Variants in DYNLRB2 observed in about 807,000 individuals in gnomAD.
DYNLRB2 encodes dynein light chain roadblock-type 2.
DYNLRB2 carries 14 observed loss-of-function variants against 12.6 expected under a neutral mutation model. That is an observed-to-expected ratio of 1.11 (90% CI 0.73 to 1.73). The LOEUF (loss-of-function observed/expected upper bound fraction) is 1.73, where lower values mean the gene tolerates loss of function less well. Among genes scored for constraint, DYNLRB2 ranks in the 40% most tolerant of loss-of-function variants. DYNLRB2 has a pLI of 0.00. For missense variants in DYNLRB2, 142 were observed against 117.7 expected, an observed-to-expected ratio of 1.21 and a Z score of -0.95; for synonymous variants, 53 against 37.0, an observed-to-expected ratio of 1.43 and a Z score of -1.57.
chr16:80,540,879 C>G (rs1301391863), upstream of DYNLRB2: 8 of 944,200 alleles, frequency 8.5e-6, no homozygotes, highest in Non-Finnish European at 1.3e-5. Context: ...CCCTCTTCCG[C>G]GAACCTTCGC....
chr16:80,550,346 T>C (rs1904764773), intron 3 of DYNLRB2, among the ~76,000 whole-genome samples, 169 bp from the exon 4 acceptor site: 1 of 152,128 alleles, frequency 6.6e-6, no homozygotes, highest in African/African-American at 2.4e-5. Context: ...CCCTAGGAAA[T>C]GGGTATTTTC....
At chr16:80,541,243 G>T (rs1159444019) in intron 1 of DYNLRB2, 164 bp downstream of exon 1, 7 of 961,706 alleles carry the variant, frequency 7.3e-6, no homozygotes, top group East Asian at 2.3e-4. Context: ...GGAGACCTTG[G>T]AAAGGGGCAA....
At chr16:80,544,493 G>C (rs150359899) in intron 2 of DYNLRB2, among the ~76,000 whole-genome samples, 1 of 152,176 alleles carries the variant, frequency 6.6e-6, no homozygotes, top group Non-Finnish European at 1.5e-5. Flanking sequence ...CAAACTATGC[G>C]TAATATTTCC....
chr16:80,548,277 A>G (rs1010591198), intron 2 of DYNLRB2: 8 of 162,470 alleles, frequency 4.9e-5, no homozygotes, highest in African/African-American at 1.9e-4. Flanking sequence ...TACGATATAT[A>G]TAAAATACCT....
At position 80,545,666 on chromosome 16, in the gene DYNLRB2, C is replaced by CTTTTTTTTT. The variant is rs775659372; in HGVS notation, c.79+2326_79+2334dup. 1.0e-2 allele frequency among the ~76,000 whole-genome samples: 747 copies of CTTTTTTTTT among 74,882 alleles called. 218 individuals are homozygous for CTTTTTTTTT. Among genetic ancestry groups the CTTTTTTTTT allele is most frequent in the African/African-American group, 0.011 (245 of 21,530 alleles). 49.1% of individuals were successfully genotyped at this position (74,882 alleles called of 152,430 possible). A position where few individuals can be genotyped will look rare whatever the true frequency, so the allele number is the denominator to read the frequency against. On this transcript the variant is annotated intron_variant, in intron 2 of 3. Coordinates refer to ENST00000305904, the MANE Select transcript of DYNLRB2 (RefSeq NM_130897.3). The stretch of plus-strand genomic sequence containing the variant: ...TATTATTTTCAGTACCCATTAGCTT[C>CTTTTTTTTT]TTTTTTTTTTTTTTTTTTTGAGATG...
At position 80,550,658 on chromosome 16, in the gene DYNLRB2, C is replaced by A; in HGVS notation, c.*100C>A. 1 of 1,301,818 alleles carries A rather than the reference C, an allele frequency of 7.7e-7. No homozygotes were observed. Among genetic ancestry groups the A allele is most frequent in the Non-Finnish European group, 1.1e-6 (1 of 900,032 alleles). 80.6% of individuals were successfully genotyped at this position (1,301,818 alleles called of 1,614,324 possible). On this transcript the variant is annotated 3_prime_UTR_variant, in exon 4 of 4. Coordinates refer to ENST00000305904, the MANE Select transcript of DYNLRB2 (RefSeq NM_130897.3). ...ATTTCAATCTAACTGACCCTTCAAA[C>A]ATTCTTTTCTATTTCTATATCTAAA... is the stretch of plus-strand genomic sequence containing the variant.
At chr16:80,541,383 C>G in intron 1 of DYNLRB2, 2 of 984,354 alleles carry the variant, frequency 2.0e-6, no homozygotes, top group Non-Finnish European at 2.4e-6. Flanking sequence ...AGTGAGAAAT[C>G]CGGGGAGCCA....
chr16:80,544,372 A>G (rs140987584), intron 2 of DYNLRB2, among the ~76,000 whole-genome samples: 47 of 152,354 alleles, frequency 3.1e-4, no homozygotes, highest in African/African-American at 1.1e-3. Context: ...TTGTTTTATA[A>G]CCAGCAACTC....
At chr16:80,548,335 T>C (rs911022964) in intron 2 of DYNLRB2, among the ~76,000 whole-genome samples, 1 of 152,150 alleles carries the variant, frequency 6.6e-6, no homozygotes, top group African/African-American at 2.4e-5. Flanking sequence ...GTGTTCCAAG[T>C]TGAGTTAGAT....
upstream of DYNLRB2, chr16:80,540,863 C>A (rs116990305): frequency 1.2e-6 from 1 of 820,094 alleles, no homozygotes; most frequent in Admixed American, 2.0e-5. Context: ...AGGTGAGCGC[C>A]TGCTCCCCTC....
At chr16:80,548,866 G>A (rs111854674) in intron 2 of DYNLRB2, 605 of 449,168 alleles carry the variant, frequency 1.3e-3, no homozygotes, top group African/African-American at 0.011. Context: ...TAAGATTTGT[G>A]AAATACTGTG....
chr16:80,541,372 G>A (rs565881814), intron 1 of DYNLRB2: 3 of 984,656 alleles, frequency 3.0e-6, no homozygotes, highest in Non-Finnish European at 3.6e-6. Flanking sequence ...ATGCTCAGGG[G>A]AGTGAGAAAT....
At chr16:80,548,359 A>C (rs1904610621) in intron 2 of DYNLRB2, among the ~76,000 whole-genome samples, 1 of 152,204 alleles carries the variant, frequency 6.6e-6, no homozygotes. Flanking sequence ...TTTCAACTGA[A>C]TTGAATTACA....
intron 3 of DYNLRB2, among the ~76,000 whole-genome samples, chr16:80,550,311 A>G (rs1219673541): frequency 2.0e-5 from 3 of 152,184 alleles, no homozygotes; most frequent in African/African-American, 7.2e-5. Flanking sequence ...TGCACCCCAA[A>G]CCAATGAAAT....
chr16:80,543,161 C>G (rs1904304578), intron 1 of DYNLRB2, 115 bp from the exon 2 acceptor site: 2 of 1,020,810 alleles, frequency 2.0e-6, no homozygotes, highest in South Asian at 1.7e-5. Flanking sequence ...ATTATCACAC[C>G]TGGCACCTTA....
chr16:80,544,404 A>AT, intron 2 of DYNLRB2, among the ~76,000 whole-genome samples: 1 of 152,234 alleles, frequency 6.6e-6, no homozygotes, highest in Non-Finnish European at 1.5e-5. Flanking sequence ...AGTGAGAGAG[A>AT]TAATAGAACA....
intron 1 of DYNLRB2, 84 bp downstream of exon 1, chr16:80,541,163 C>T (rs1904284845): frequency 7.9e-6 from 12 of 1,525,524 alleles, no homozygotes; most frequent in Non-Finnish European, 1.1e-5. Context: ...CTGGGGCCCA[C>T]CCAGGCACGG....
At chr16:80,545,864 G>C (rs760639467) in intron 2 of DYNLRB2, among the ~76,000 whole-genome samples, 2 of 142,764 alleles carry the variant, frequency 1.4e-5, no homozygotes, top group Non-Finnish European at 3.1e-5. Context: ...TTTTTTTTTA[G>C]TAGAGATGGG....
At chr16:80,541,494 G>T (rs987433317) in intron 1 of DYNLRB2, 4 of 600,070 alleles carry the variant, frequency 6.7e-6, no homozygotes, top group Non-Finnish European at 8.4e-6. Context: ...CAAGGGAATG[G>T]AAGGGTGAGA....
Sources: allele counts gnomAD v4.1 joint callset (sites outside exome capture counted in the v4.1 genomes callset), GRCh38; gene constraint gnomAD v4.1.1; transcripts MANE v1.5; gene names NCBI Gene and HGNC (gene_info 2026-07-23, HGNC 2026-07-21).